The following UNC5D variants were observed in gnomAD, a reference collection of about 807,000 sequenced individuals.
UNC5D encodes the protein unc-5 netrin receptor D, also known as netrin receptor UNC5D.
Under a neutral mutation model 105.4 loss-of-function variants are expected in UNC5D, and 39 were observed. The ratio of observed to expected loss-of-function variants is 0.37; its 90% CI spans 0.29 to 0.48. The LOEUF (loss-of-function observed/expected upper bound fraction) is 0.48. UNC5D is among the 20% of genes least tolerant of loss of function. UNC5D has a pLI of 0.98. For missense variants in UNC5D, 991 were observed against 1,202.4 expected, an observed-to-expected ratio of 0.82 and a Z score of 2.60; for synonymous variants, 452 against 450.4, an observed-to-expected ratio of 1.00 and a Z score of -0.04.
intron 9 of UNC5D, chr8:35,724,368 C>T: frequency 6.9e-7 from 1 of 1,456,048 alleles, no homozygotes; most frequent in South Asian, 1.3e-5. Flanking sequence ...CCTCCACTGT[C>T]TTAGAGAGAT....
At chr8:35,436,542 A>G (rs993542340) in intron 1 of UNC5D, among the ~76,000 whole-genome samples, 1 of 152,014 alleles carries the variant, frequency 6.6e-6, no homozygotes, top group South Asian at 2.1e-4. Flanking sequence ...AAAACTGTGT[A>G]TTTAGCTGAG....
At chr8:35,292,167 C>T (rs2950931) in intron 1 of UNC5D, among the ~76,000 whole-genome samples, 134,637 of 152,232 alleles carry the variant, frequency 0.88, 59,659 homozygotes, top group East Asian at 1. Flanking sequence ...TGATACAGTT[C>T]GATTTTCCCA....
chr8:35,663,167 A>G (rs1332990770), intron 4 of UNC5D, among the ~76,000 whole-genome samples: 1 of 152,198 alleles, frequency 6.6e-6, no homozygotes, highest in Non-Finnish European at 1.5e-5. Context: ...GCCAGTGTGT[A>G]CAGATACACC....
At chr8:35,261,629 T>A (rs530184493) in intron 1 of UNC5D, among the ~76,000 whole-genome samples, 10 of 145,226 alleles carry the variant, frequency 6.9e-5, no homozygotes, top group African/African-American at 2.5e-4. Context: ...GATTTGTGTG[T>A]GTAGGGGGGT....
chr8:35,600,746 G>T (rs1043738038), intron 4 of UNC5D, among the ~76,000 whole-genome samples: 10 of 152,130 alleles, frequency 6.6e-5, no homozygotes, highest in African/African-American at 2.2e-4. Flanking sequence ...CCATTCTGTA[G>T]GTTGCCTGTT....
At chr8:35,717,778 G>A (rs535897056) in intron 8 of UNC5D, among the ~76,000 whole-genome samples, 16 of 152,300 alleles carry the variant, frequency 1.1e-4, no homozygotes, top group African/African-American at 3.1e-4. Flanking sequence ...TGAAGAGGTG[G>A]TTACTAGCTT....
intron 4 of UNC5D, among the ~76,000 whole-genome samples, chr8:35,641,464 A>G (rs891812419): frequency 1.3e-5 from 2 of 151,876 alleles, no homozygotes; most frequent in Non-Finnish European, 2.9e-5. Context: ...ATCTTTGCCA[A>G]CTGTTTAAGT....
At chr8:35,412,076 C>T (rs1805211302) in intron 1 of UNC5D, among the ~76,000 whole-genome samples, 1 of 151,976 alleles carries the variant, frequency 6.6e-6, no homozygotes, top group Non-Finnish European at 1.5e-5. Context: ...TTAAAAATCA[C>T]TCTGTTACTT....
chr8:35,303,064 A>G (rs1436599327), intron 1 of UNC5D, among the ~76,000 whole-genome samples: 1 of 152,138 alleles, frequency 6.6e-6, no homozygotes, highest in Non-Finnish European at 1.5e-5. Flanking sequence ...AATTCATCCA[A>G]TATAATATTA....
At chr8:35,306,329 C>G (rs1350792832) in intron 1 of UNC5D, among the ~76,000 whole-genome samples, 1 of 151,944 alleles carries the variant, frequency 6.6e-6, no homozygotes, top group Non-Finnish European at 1.5e-5. Context: ...AACAGTTTCT[C>G]AAGATTATCA....
intron 1 of UNC5D, among the ~76,000 whole-genome samples, chr8:35,372,618 T>C (rs878870279): frequency 6.7e-6 from 1 of 149,340 alleles, no homozygotes; most frequent in African/African-American, 2.6e-5. Context: ...TTTTTTCTTT[T>C]CAAGAGACAG....
At chr8:35,773,659 G>A (rs912371407) in intron 15 of UNC5D, among the ~76,000 whole-genome samples, 3 of 152,126 alleles carry the variant, frequency 2.0e-5, no homozygotes, top group African/African-American at 7.2e-5. Flanking sequence ...CTAGAGCTAT[G>A]CCTGAGAGCA....
chr8:35,608,470 G>A lies in UNC5D; in HGVS notation c.570+12813G>A, dbSNP rs80022555. Among the ~76,000 whole-genome samples, 536 of 152,234 alleles carry A rather than the reference G, an allele frequency of 3.5e-3. 3 individuals are homozygous for A. The highest frequency in any genetic ancestry group is 6.0e-3 in the Non-Finnish European group (406 of 68,018). On this transcript the variant is annotated intron_variant, in intron 4 of 16. Coordinates refer to ENST00000404895, the MANE Select transcript of UNC5D (RefSeq NM_080872.4). The stretch of plus-strand genomic sequence containing the variant: ...TGGGGTGCAAGTATAATTTTGTTAC[G>A]TGCATAGGTTGCATGTAAGCCCTGA...
chr8:35,744,433 T>C (rs1378877961), intron 11 of UNC5D, among the ~76,000 whole-genome samples: 2 of 152,362 alleles, frequency 1.3e-5, no homozygotes, highest in Non-Finnish European at 2.9e-5. Context: ...CATTTATGAT[T>C]CTCAACCAAG....
At chr8:35,330,094 A>G (rs1253809147) in intron 1 of UNC5D, among the ~76,000 whole-genome samples, 2 of 152,180 alleles carry the variant, frequency 1.3e-5, no homozygotes, top group Non-Finnish European at 2.9e-5. Flanking sequence ...CACAGCAGCT[A>G]AGTAATTTGT....
chr8:35,511,070 A>G (rs1812668596), intron 1 of UNC5D, among the ~76,000 whole-genome samples: 1 of 152,176 alleles, frequency 6.6e-6, no homozygotes, highest in Admixed American at 6.5e-5. Flanking sequence ...TAGGAAAATC[A>G]AGCTTTCAGG....
intron 15 of UNC5D, among the ~76,000 whole-genome samples, chr8:35,770,012 A>G (rs1801941250): frequency 6.6e-6 from 1 of 152,088 alleles, no homozygotes; most frequent in Admixed American, 6.6e-5. Context: ...TTTTTTGGTA[A>G]ATGGTTCCAG....
intron 7 of UNC5D, among the ~76,000 whole-genome samples, chr8:35,693,714 T>C (rs1826565285): frequency 6.6e-6 from 1 of 152,122 alleles, no homozygotes; most frequent in Non-Finnish European, 1.5e-5. Context: ...CTACCTACAT[T>C]TTCCCATTGC....
intron 1 of UNC5D, among the ~76,000 whole-genome samples, chr8:35,275,128 T>TATATA (rs1467186208): frequency 1.8e-4 from 27 of 149,144 alleles, no homozygotes; most frequent in African/African-American, 6.6e-4. Context: ...ATATATATTT[T>TATATA]TATATATATA....
Sources: allele counts gnomAD v4.1 joint callset (sites outside exome capture counted in the v4.1 genomes callset), GRCh38; gene constraint gnomAD v4.1.1; transcripts MANE v1.5; gene names NCBI Gene and HGNC (gene_info 2026-07-23, HGNC 2026-07-21).